The following RNF10 variants were observed in gnomAD, a reference collection of about 807,000 sequenced individuals.
RNF10 encodes the protein E3 ubiquitin-protein ligase RNF10.
RNF10 carries 38 observed loss-of-function variants against 91.4 expected under a neutral mutation model. The ratio of observed to expected loss-of-function variants is 0.42; its 90% CI spans 0.32 to 0.54. The LOEUF is 0.54. Ranked by LOEUF, RNF10 falls within the 20% of genes least tolerant of loss-of-function variation. The probability of loss-of-function intolerance (pLI) is 0.16; values close to 1 mark genes in which losing one functional copy is unlikely to be tolerated. For synonymous variants in RNF10, 364 were observed against 366.3 expected (o/e 0.99, Z 0.07); for missense variants, 945 against 1,012.0 (o/e 0.93, Z 0.90).
In RNF10 at chr12:120,554,811, G is replaced by A. The variant is rs375618829; in HGVS notation, c.645+3G>A. 2.4e-5 allele frequency: 38 copies of A among 1,611,032 alleles called. No homozygotes were observed. The African/African-American group carries it at 4.7e-4, about 20-fold the overall frequency. ...ACTGGGACTTTGTGGAACAAGTGGT[G>A]AGTAGCTCAGCCAAGCCCATAAGCT... On this transcript the variant is annotated splice_donor_region_variant and intron_variant, in intron 4 of 16. Transcript: ENST00000325954.
At chr12:120,559,173 ACTCTTTTTT>A (rs1874461309) in intron 6 of RNF10, among the ~76,000 whole-genome samples, 1 of 90,358 alleles carries the variant, frequency 1.1e-5, no homozygotes, top group Admixed American at 1.5e-4. Flanking sequence ...GTCTTGAACT[ACTCTTTTTT>A]TTTTTTTTTT....
intron 14 of RNF10, among the ~76,000 whole-genome samples, chr12:120,571,708 G>T (rs960914440): frequency 1.3e-5 from 2 of 152,158 alleles, no homozygotes; most frequent in Non-Finnish European, 2.9e-5. Context: ...GGATACTATT[G>T]TAGGGGCTGG....
At position 120,563,492 on chromosome 12, in the gene RNF10, G is replaced by C; in HGVS notation, c.1400G>C (p.Cys467Ser). The C allele has an allele frequency of 1.2e-6, 2 of 1,614,192 alleles. No homozygotes were observed. The highest frequency in any genetic ancestry group is 2.7e-5 in the African/African-American group (2 of 75,032). The part of the protein sequence containing the change: ...EPEPEGLPEA[C>S]DDLELADDNL... ...GAGCCTGAGGGGTTGCCAGAGGCCT[G>C]TGATGACTTGGAGTTAGCAGATGAC... The change falls in exon 9 of 17, where the codon TGT becomes TCT. Residue 467 changes from cysteine (C) to serine (S), a missense_variant. Cys to Ser is a moderately radical substitution (Grantham distance 112). Coordinates refer to ENST00000325954, the MANE Select transcript of RNF10 (RefSeq NM_014868.5).
intron 4 of RNF10, among the ~76,000 whole-genome samples, chr12:120,555,490 CTT>C (rs775906667): frequency 4.1e-5 from 5 of 120,532 alleles, no homozygotes; most frequent in African/African-American, 3.1e-5. Context: ...CCCAGTTGTA[CTT>C]TTTTTTTTTT....
intron 7 of RNF10, 68 bp downstream of exon 7, chr12:120,560,954 T>G (rs1306625744): frequency 4.0e-6 from 6 of 1,510,842 alleles, no homozygotes; most frequent in Non-Finnish European, 4.5e-6. Context: ...AAACCAGAAA[T>G]GCTAAACCTT....
At chr12:120,556,065 A>C (rs1873956702) in intron 4 of RNF10, among the ~76,000 whole-genome samples, 3 of 152,198 alleles carry the variant, frequency 2.0e-5, no homozygotes, top group South Asian at 2.1e-4. Context: ...TTGGGATTAC[A>C]GGCGTGAGCC....
At chr12:120,567,578 G>A (rs1186591858) in intron 13 of RNF10, among the ~76,000 whole-genome samples, 1 of 151,974 alleles carries the variant, frequency 6.6e-6, no homozygotes, top group African/African-American at 2.4e-5. Flanking sequence ...GCAGGCGCCT[G>A]TAGTCCCAGC....
chr12:120,572,864 G>A (rs894852006), intron 14 of RNF10, among the ~76,000 whole-genome samples: 20 of 148,196 alleles, frequency 1.3e-4, no homozygotes, highest in Non-Finnish European at 2.7e-4. Flanking sequence ...GCCTCCCAAA[G>A]TGCTGGGATT....
rs546585678 is a variant in RNF10 at position 120,577,008 on chromosome 12, A to T, written c.*342A>T. The T allele has an allele frequency of 8.1e-6, 3 of 368,716 alleles. No individual in the cohort carries two copies. The highest frequency in any genetic ancestry group is 6.4e-5 in the African/African-American group (3 of 46,902). 22.8% of individuals were successfully genotyped at this position (368,716 alleles called of 1,614,324 possible). On this transcript the variant is annotated 3_prime_UTR_variant, in exon 17 of 17. Coordinates refer to ENST00000325954, the MANE Select transcript of RNF10 (RefSeq NM_014868.5). ...CTTTGAGATGCATTAGAGCAGTCCA[A>T]CCCAGAATGGCACACACTGCTCTGC...
intron 7 of RNF10, among the ~76,000 whole-genome samples, chr12:120,562,295 A>G (rs1415385350): frequency 1.2e-5 from 1 of 84,130 alleles, no homozygotes; most frequent in Non-Finnish European, 2.5e-5. Flanking sequence ...TTTTTTTGAG[A>G]CAGAGTTTTG....
chr12:120,535,288 CTCA>C (rs1364078769), intron 1 of RNF10: 1 of 248,864 alleles, frequency 4.0e-6, no homozygotes, highest in Non-Finnish European at 7.7e-6. Context: ...GTTTGTGTGA[CTCA>C]TCAGTCCACG....
intron 10 of RNF10, 122 bp downstream of exon 10, chr12:120,564,065 T>C (rs1875319609): frequency 2.8e-6 from 3 of 1,082,078 alleles, no homozygotes; most frequent in Non-Finnish European, 4.0e-6. Context: ...TTTTTAGTCT[T>C]TCTGTCAGTG....
rs892633212 is a variant in RNF10 at position 120,554,744 on chromosome 12, A to C, written c.581A>C (p.Gln194Pro). 2.5e-6 allele frequency: 4 copies of C among 1,613,990 alleles called. No individual in the cohort carries two copies. The highest frequency in any genetic ancestry group is 3.4e-6 in the Non-Finnish European group (4 of 1,179,970). The change falls in exon 4 of 17, where the codon CAA (glutamine) becomes CCA (proline). Residue 194 changes from glutamine to proline, a missense_variant. Physicochemically the swap from Gln to Pro is moderately conservative, Grantham distance 76. Coordinates refer to ENST00000325954, the MANE Select transcript of RNF10 (RefSeq NM_014868.5). Reference sequence around the variant, plus strand: ...TGCCAATTTGTGGTGTCTGAAGACCAAGACTACACAGCTCATTTTGCTGAT... The same window carrying C: ...TGCCAATTTGTGGTGTCTGAAGACCCAGACTACACAGCTCATTTTGCTGAT... ...ANCQFVVSED[Q>P]DYTAHFADPD...
chr12:120,566,879 C>G lies in RNF10; in HGVS notation c.1940C>G (p.Ser647Cys), dbSNP rs113560686. The G allele has an allele frequency of 6.2e-7, 1 of 1,613,998 alleles. No individual in the cohort carries two copies. The highest frequency in any genetic ancestry group is 8.5e-7 in the Non-Finnish European group (1 of 1,179,942). Residue 647 changes from serine to cysteine, a missense_variant, in exon 13 of 17, where the codon TCT (serine) becomes TGT (cysteine). By Grantham distance (112) the Ser-to-Cys change is moderately radical. Coordinates refer to ENST00000325954, the MANE Select transcript of RNF10 (RefSeq NM_014868.5). ...CTACAGCAGTTTCCTGCCTTCAATT[C>G]TTATACCTGCTCCTCTGATTCTGCT... is the stretch of plus-strand genomic sequence containing the variant. The part of the protein sequence containing the change: ...ENLQQFPAFN[S>C]YTCSSDSALG...
Position 120,567,700 on chromosome 12 carries a change from C to CA in RNF10, c.2041+738dup, listed in dbSNP as rs34775380. 4.9e-3 allele frequency among the ~76,000 whole-genome samples: 587 copies of CA among 119,538 alleles called. 2 individuals are homozygous for CA. Among genetic ancestry groups the CA allele is most frequent in the Middle Eastern group, 0.044 (10 of 228 alleles). 78.4% of individuals were successfully genotyped at this position (119,538 alleles called of 152,430 possible). ...TGGGCGACAGAGCGAGACTTTGTCT[C>CA]AAAAAAAAAAAAAAAAAATCACACC... On this transcript the variant is annotated intron_variant, in intron 13 of 16. Transcript: ENST00000325954.
intron 13 of RNF10, 71 bp downstream of exon 13, chr12:120,567,051 C>G: frequency 6.8e-7 from 1 of 1,462,262 alleles, no homozygotes. Context: ...TCTGAGTTTA[C>G]AACCCCGGCC....
chr12:120,566,500 G>T (rs1476786698), intron 12 of RNF10, among the ~76,000 whole-genome samples: 2 of 152,104 alleles, frequency 1.3e-5, no homozygotes, highest in South Asian at 4.1e-4. Flanking sequence ...GGTGGCTCAC[G>T]TCTATAATCC....
intron 1 of RNF10, among the ~76,000 whole-genome samples, chr12:120,539,122 G>A (rs1315942243): frequency 2.0e-5 from 3 of 152,066 alleles, no homozygotes; most frequent in African/African-American, 7.2e-5. Context: ...ACTATGGTAG[G>A]CATTTTACAG....
In RNF10 at chr12:120,550,773, T is replaced by C. The variant is rs1872929129; in HGVS notation, c.355-1726T>C. On this transcript the variant is annotated intron_variant, in intron 2 of 16. Coordinates refer to ENST00000325954, the MANE Select transcript of RNF10 (RefSeq NM_014868.5). Reference sequence around the variant, plus strand: ...CACCATGCCCAGCTAATTTTTTGTATTTTTAGTAGAGACAGGGTTTCACTG... The same window carrying C: ...CACCATGCCCAGCTAATTTTTTGTACTTTTAGTAGAGACAGGGTTTCACTG... 2.0e-5 allele frequency among the ~76,000 whole-genome samples: 3 copies of C among 151,820 alleles called. No homozygotes were observed. The East Asian group carries it at 5.8e-4, about 29-fold the overall frequency.
Sources: allele counts gnomAD v4.1 joint callset (sites outside exome capture counted in the v4.1 genomes callset), GRCh38; gene constraint gnomAD v4.1.1; transcripts MANE v1.5; gene names NCBI Gene and HGNC (gene_info 2026-07-23, HGNC 2026-07-21).